The following SLC24A3 variants were observed in gnomAD, a reference collection of about 807,000 sequenced individuals.
The protein encoded by SLC24A3 is sodium/potassium/calcium exchanger 3.
Under a neutral mutation model 75.8 loss-of-function variants are expected in SLC24A3, and 28 were observed. The observed-to-expected ratio is 0.37, with a 90% CI of 0.27 to 0.51. The LOEUF is 0.51. Ranked by LOEUF, SLC24A3 falls within the 20% of genes least tolerant of loss-of-function variation. The pLI is 0.94. For missense variants in SLC24A3, 663 were observed against 847.8 expected, an observed-to-expected ratio of 0.78 and a Z score of 2.71; for synonymous variants, 372 against 334.1, an observed-to-expected ratio of 1.11 and a Z score of -1.24.
intron 7 of SLC24A3, among the ~76,000 whole-genome samples, chr20:19,658,733 A>G (rs2032292742): frequency 6.6e-6 from 1 of 152,086 alleles, no homozygotes; most frequent in Admixed American, 6.6e-5. Context: ...TCTTTTTGCA[A>G]GACAGACATC....
intron 2 of SLC24A3, among the ~76,000 whole-genome samples, chr20:19,507,868 C>G (rs776859525): frequency 6.6e-6 from 1 of 152,122 alleles, no homozygotes; most frequent in Non-Finnish European, 1.5e-5. Context: ...AGAGAAAGGC[C>G]CTCTGCATTC....
intron 1 of SLC24A3, among the ~76,000 whole-genome samples, chr20:19,224,452 T>C (rs1479636979): frequency 1.3e-5 from 2 of 152,222 alleles, no homozygotes; most frequent in Non-Finnish European, 2.9e-5. Flanking sequence ...AAGGGTTTTC[T>C]CCATGGATGC....
intron 15 of SLC24A3, among the ~76,000 whole-genome samples, chr20:19,711,695 AGTG>A (rs1242396548): frequency 6.6e-6 from 1 of 151,918 alleles, no homozygotes; most frequent in East Asian, 1.9e-4. Flanking sequence ...GCTGGAGTGC[AGTG>A]GCTTGATCTC....
intron 1 of SLC24A3, among the ~76,000 whole-genome samples, chr20:19,215,588 T>C (rs368724204): frequency 9.1e-4 from 138 of 152,262 alleles, no homozygotes; most frequent in African/African-American, 3.3e-3. Flanking sequence ...TTCCTTCTGT[T>C]GGCCCTTCCT....
At position 19,246,124 on chromosome 20, in the gene SLC24A3, C is replaced by G. The variant is rs138976616; in HGVS notation, c.142+33140C>G. ...TCAAAAAATGTCATTGAATCAACAT[C>G]ACACCAGTTAAATTATTTGACTACA... On this transcript the variant is annotated intron_variant, in intron 1 of 16. Transcript: ENST00000328041. 2.0e-5 allele frequency among the ~76,000 whole-genome samples: 3 copies of G among 152,200 alleles called. No individual in the cohort carries two copies. The East Asian group carries it at 5.8e-4, about 29-fold the overall frequency.
At chr20:19,673,838 C>G (rs1217072768) in intron 9 of SLC24A3, among the ~76,000 whole-genome samples, 184 bp downstream of exon 9, 16 of 152,070 alleles carry the variant, frequency 1.1e-4, no homozygotes, top group Admixed American at 1.0e-3. Context: ...TTGTAGTGAC[C>G]CTTCCAGCCC....
intron 2 of SLC24A3, among the ~76,000 whole-genome samples, chr20:19,411,400 G>A (rs1314361662): frequency 6.6e-6 from 1 of 152,148 alleles, no homozygotes; most frequent in Non-Finnish European, 1.5e-5. Flanking sequence ...CTGTTAGTTG[G>A]CAGGACAGTA....
intron 2 of SLC24A3, among the ~76,000 whole-genome samples, chr20:19,493,929 C>T (rs1418204401): frequency 2.6e-5 from 4 of 152,192 alleles, no homozygotes; most frequent in South Asian, 2.1e-4. Context: ...TGCTCTCTCT[C>T]GGGTGTCTTG....
At chr20:19,337,528 G>A (rs1253074945) in intron 2 of SLC24A3, among the ~76,000 whole-genome samples, 1 of 152,126 alleles carries the variant, frequency 6.6e-6, no homozygotes, top group Non-Finnish European at 1.5e-5. Flanking sequence ...GAAGCAGCAT[G>A]TTTTAGTAAA....
At chr20:19,241,745 T>G (rs1317892082) in intron 1 of SLC24A3, among the ~76,000 whole-genome samples, 2 of 152,158 alleles carry the variant, frequency 1.3e-5, no homozygotes, top group African/African-American at 4.8e-5. Flanking sequence ...GAGATGCTCC[T>G]TCCAGGCTGG....
chr20:19,233,251 G>A (rs772095050), intron 1 of SLC24A3, among the ~76,000 whole-genome samples: 1 of 152,212 alleles, frequency 6.6e-6, no homozygotes, highest in South Asian at 2.1e-4. Flanking sequence ...CAGCGTTAAC[G>A]GAAGTGCACA....
chr20:19,440,280 C>G lies in SLC24A3; in HGVS notation c.272-75208C>G, dbSNP rs531013824. On this transcript the variant is annotated intron_variant, in intron 2 of 16. Coordinates refer to ENST00000328041, the MANE Select transcript of SLC24A3 (RefSeq NM_020689.4). ...TCCACTCACCTTATCTGTCAAACAC[C>G]TAGTTGTCAAGTTAGGCGCTCTGTG... Among the ~76,000 whole-genome samples the G allele has an allele frequency of 1.1e-4, 16 of 152,316 alleles. No individual in the cohort carries two copies. In the South Asian group the frequency reaches 3.3e-3, roughly 32 times the overall value.
intron 9 of SLC24A3, among the ~76,000 whole-genome samples, chr20:19,679,577 C>T (rs937921602): frequency 3.5e-5 from 5 of 141,648 alleles, no homozygotes; most frequent in African/African-American, 1.1e-4. Context: ...GAGACGGAGA[C>T]GGAGACCGTG....
At chr20:19,682,046 A>G in intron 10 of SLC24A3, 55 bp downstream of exon 10, 1 of 1,577,794 alleles carries the variant, frequency 6.3e-7, no homozygotes, top group Non-Finnish European at 8.7e-7. Context: ...TGAGGCCAGG[A>G]GTTCAAGACC....
chr20:19,612,107 T>C (rs2031678200), intron 6 of SLC24A3, among the ~76,000 whole-genome samples: 1 of 152,208 alleles, frequency 6.6e-6, no homozygotes, highest in African/African-American at 2.4e-5. Flanking sequence ...AGTTGTCTAC[T>C]TGACAGTCTC....
At chr20:19,274,079 G>A (rs1218571467) in intron 1 of SLC24A3, among the ~76,000 whole-genome samples, 6 of 151,256 alleles carry the variant, frequency 4.0e-5, no homozygotes, top group African/African-American at 1.5e-4. Context: ...CTGTCCTATT[G>A]AAGGGACTGA....
intron 2 of SLC24A3, among the ~76,000 whole-genome samples, chr20:19,397,835 G>A (rs1402537070): frequency 6.6e-6 from 1 of 151,964 alleles, no homozygotes; most frequent in East Asian, 1.9e-4. Context: ...GAGTCTGAAG[G>A]AGGAGGAGCT....
chr20:19,679,373 C>T (rs369130124), intron 9 of SLC24A3, among the ~76,000 whole-genome samples: 3 of 152,244 alleles, frequency 2.0e-5, no homozygotes, highest in South Asian at 4.1e-4. Context: ...CGTGGCGGCA[C>T]GCACCTGCAA....
chr20:19,304,791 A>G (rs1984281370), intron 2 of SLC24A3, among the ~76,000 whole-genome samples: 1 of 152,254 alleles, frequency 6.6e-6, no homozygotes, highest in Non-Finnish European at 1.5e-5. Context: ...CCTAGAAAAG[A>G]TGAAATTGTA....
Sources: gnomAD v4.1 joint callset for allele counts (sites outside exome capture counted in the v4.1 genomes callset) on GRCh38, gnomAD v4.1.1 for gene constraint, MANE v1.5 for transcripts, NCBI Gene and HGNC (gene_info 2026-07-23, HGNC 2026-07-21) for gene names.